Variants in INSYN2B observed in about 807,000 individuals in gnomAD.
INSYN2B encodes the protein inhibitory synaptic factor family member 2B.
Under a neutral mutation model 41.2 loss-of-function variants are expected in INSYN2B, and 16 were observed. That is an observed-to-expected ratio of 0.39 (90% CI 0.26 to 0.59). The LOEUF is 0.59. INSYN2B is among the 20% of genes least tolerant of loss of function. The pLI is 0.57. For synonymous variants in INSYN2B, 245 were observed against 244.4 expected (o/e 1.00, Z -0.02); for missense variants, 608 against 646.4 (o/e 0.94, Z 0.64).
At chr5:169,882,467 C>G in intron 2 of INSYN2B, 86 bp downstream of exon 2, 1 of 1,183,190 alleles carries the variant, frequency 8.5e-7, no homozygotes, top group Non-Finnish European at 1.2e-6. Context: ...GACATTTTTA[C>G]TAAAAGAAAC....
intron 1 of INSYN2B, among the ~76,000 whole-genome samples, chr5:169,947,603 T>C (rs1776499575): frequency 6.6e-6 from 1 of 152,218 alleles, no homozygotes; most frequent in Non-Finnish European, 1.5e-5. Context: ...TGATGCTTTT[T>C]TGTCTCATTA....
chr5:169,966,137 T>C (rs1777289164), intron 1 of INSYN2B, among the ~76,000 whole-genome samples: 1 of 152,224 alleles, frequency 6.6e-6, no homozygotes, highest in Non-Finnish European at 1.5e-5. Context: ...AATTCCAAGA[T>C]GAAATATATA....
At chr5:169,887,922 A>G (rs1258440581) in intron 1 of INSYN2B, among the ~76,000 whole-genome samples, 1 of 152,178 alleles carries the variant, frequency 6.6e-6, no homozygotes, top group African/African-American at 2.4e-5. Flanking sequence ...ATTGTTTTTA[A>G]TCATTGCCAA....
At chr5:169,968,761 G>A (rs547970253) in intron 1 of INSYN2B, among the ~76,000 whole-genome samples, 25 of 152,342 alleles carry the variant, frequency 1.6e-4, no homozygotes, top group African/African-American at 5.5e-4. Flanking sequence ...TAATGGTGAT[G>A]AGCAAAATAA....
intron 1 of INSYN2B, among the ~76,000 whole-genome samples, chr5:169,908,867 A>G (rs537467301): frequency 7.9e-5 from 12 of 151,968 alleles, no homozygotes; most frequent in Non-Finnish European, 1.3e-4. Context: ...GGCCCCCACT[A>G]CATTATTGCA....
At chr5:169,907,567 A>G in intron 1 of INSYN2B, among the ~76,000 whole-genome samples, 1 of 152,244 alleles carries the variant, frequency 6.6e-6, no homozygotes, top group East Asian at 1.9e-4. Flanking sequence ...CTTTACAGGC[A>G]TTATCTAATT....
At chr5:169,869,323 C>CT (rs1454880765) in intron 3 of INSYN2B, among the ~76,000 whole-genome samples, 3 of 152,180 alleles carry the variant, frequency 2.0e-5, no homozygotes, top group Non-Finnish European at 4.4e-5. Flanking sequence ...CTTGTGACTG[C>CT]CCCCACTGGT....
intron 1 of INSYN2B, among the ~76,000 whole-genome samples, chr5:169,894,677 G>C (rs973153909): frequency 6.6e-6 from 1 of 152,212 alleles, no homozygotes; most frequent in Admixed American, 6.5e-5. Flanking sequence ...CTTCATTTCT[G>C]AGATGAGTAA....
At chr5:169,933,181 AAG>A (rs1775835948) in intron 1 of INSYN2B, among the ~76,000 whole-genome samples, 1 of 152,194 alleles carries the variant, frequency 6.6e-6, no homozygotes, top group African/African-American at 2.4e-5. Context: ...TGTACCCTGA[AAG>A]AGAGAGGAGA....
intron 3 of INSYN2B, among the ~76,000 whole-genome samples, chr5:169,878,617 C>T (rs1772462857): frequency 6.6e-6 from 1 of 152,166 alleles, no homozygotes; most frequent in Admixed American, 6.5e-5. Context: ...CAGATTTTCC[C>T]CTCTAGGTTA....
chr5:169,935,093 G>T (rs1346139235), intron 1 of INSYN2B, among the ~76,000 whole-genome samples: 1 of 152,216 alleles, frequency 6.6e-6, no homozygotes, highest in Non-Finnish European at 1.5e-5. Flanking sequence ...CTAAGCAGCA[G>T]TGAAGACAGC....
chr5:169,908,148 C>T (rs771336329), intron 1 of INSYN2B, among the ~76,000 whole-genome samples: 8 of 152,170 alleles, frequency 5.3e-5, no homozygotes, highest in Non-Finnish European at 8.8e-5. Flanking sequence ...TTCAAGTTCA[C>T]TAATGCCAGA....
chr5:169,871,281 T>C (rs943191615), intron 3 of INSYN2B, among the ~76,000 whole-genome samples: 4 of 152,208 alleles, frequency 2.6e-5, no homozygotes, highest in African/African-American at 4.8e-5. Flanking sequence ...GTTTTAGCCA[T>C]GGACCTAACT....
At chr5:169,892,346 C>T (rs555891073) in intron 1 of INSYN2B, among the ~76,000 whole-genome samples, 49 of 152,354 alleles carry the variant, frequency 3.2e-4, no homozygotes, top group Admixed American at 9.8e-4. Flanking sequence ...CCCCTACACC[C>T]GCACAGCTTC....
At chr5:169,908,136 G>A (rs1774396621) in intron 1 of INSYN2B, among the ~76,000 whole-genome samples, 1 of 152,092 alleles carries the variant, frequency 6.6e-6, no homozygotes, top group Non-Finnish European at 1.5e-5. Context: ...TTTCAGTTAA[G>A]GTTCAAGTTC....
chr5:169,954,801 C>A (rs1776796931), intron 1 of INSYN2B, among the ~76,000 whole-genome samples: 1 of 152,210 alleles, frequency 6.6e-6, no homozygotes, highest in African/African-American at 2.4e-5. Context: ...GTCAACGCAG[C>A]TGATGCTGGG....
At chr5:169,895,255 C>T (rs988370981) in intron 1 of INSYN2B, among the ~76,000 whole-genome samples, 1 of 152,138 alleles carries the variant, frequency 6.6e-6, no homozygotes, top group Non-Finnish European at 1.5e-5. Context: ...TAAATGTCCC[C>T]CTTCCTTCTT....
chr5:169,965,970 G>C (rs747840207), intron 1 of INSYN2B, among the ~76,000 whole-genome samples: 7 of 152,174 alleles, frequency 4.6e-5, no homozygotes, highest in Admixed American at 1.3e-4. Flanking sequence ...CATCAGCTGG[G>C]ACCTTGGAGA....
At chr5:169,891,859 G>T (rs1366874208) in intron 1 of INSYN2B, among the ~76,000 whole-genome samples, 1 of 151,956 alleles carries the variant, frequency 6.6e-6, no homozygotes, top group Admixed American at 6.6e-5. Context: ...TCTGAGTGTG[G>T]TGGCAGGCAC....
Sources: gnomAD v4.1 joint callset for allele counts (sites outside exome capture counted in the v4.1 genomes callset) on GRCh38, gnomAD v4.1.1 for gene constraint, MANE v1.5 for transcripts, NCBI Gene and HGNC (gene_info 2026-07-23, HGNC 2026-07-21) for gene names.